TMEM86A: variants seen among roughly 807,000 people sequenced by gnomAD.
The protein encoded by TMEM86A is lysoplasmalogenase TMEM86A.
Under a neutral mutation model 19.8 loss-of-function variants are expected in TMEM86A, and 13 were observed. The ratio of observed to expected loss-of-function variants is 0.66; its 90% CI spans 0.43 to 1.04. The LOEUF is 1.04. TMEM86A is among the 50% of genes least tolerant of loss of function. The pLI is 0.00. For synonymous variants in TMEM86A, 128 were observed against 129.9 expected (o/e 0.99, Z 0.10); for missense variants, 248 against 306.8 (o/e 0.81, Z 1.43).
Position 18,702,166 on chromosome 11 carries a change from C to A in TMEM86A, c.*157C>A. 2.8e-6 allele frequency: 2 copies of A among 717,728 alleles called. No homozygotes were observed. The highest frequency in any genetic ancestry group is 1.8e-5 in the South Asian group (1 of 54,500). The allele number at this position is 717,728 out of a possible 1,614,324, so 44.5% of individuals were successfully genotyped here. ...TCGTGTGGGGAGGCTGGAAAAGGATCTCCCTAGCAGAACTCGTGGTTCAGG... is the reference window on the plus strand; with the variant it reads ...TCGTGTGGGGAGGCTGGAAAAGGATATCCCTAGCAGAACTCGTGGTTCAGG... On this transcript the variant is annotated 3_prime_UTR_variant, in exon 3 of 3. Transcript: ENST00000280734.
In TMEM86A at chr11:18,703,553, G is replaced by A. The variant is rs534516827; in HGVS notation, c.*1544G>A. On this transcript the variant is annotated 3_prime_UTR_variant, in exon 3 of 3. Transcript: ENST00000280734. The stretch of plus-strand genomic sequence containing the variant: ...TTAGTTGAACAGCTGGGAGCAATGG[G>A]ATTAGATTGGCTGATTCATTCATTA... 7.2e-5 allele frequency: 11 copies of A among 152,338 alleles called. 2 individuals are homozygous for A. Among genetic ancestry groups the A allele is most frequent in the African/African-American group, 2.4e-4 (10 of 41,556 alleles). 9.4% of individuals were successfully genotyped at this position (152,338 alleles called of 1,614,324 possible). A position where few individuals can be genotyped will look rare whatever the true frequency, so the allele number is the denominator to read the frequency against.
rs1393344420 is a variant in TMEM86A at position 18,699,300 on chromosome 11, C to T, written c.21+393C>T. Among the ~76,000 whole-genome samples, 1 of 152,330 alleles carries T rather than the reference C, an allele frequency of 6.6e-6. No individual in the cohort carries two copies. Among genetic ancestry groups the T allele is most frequent in the African/African-American group, 2.4e-5 (1 of 41,584 alleles). On this transcript the variant is annotated intron_variant, in intron 1 of 2. Coordinates refer to ENST00000280734, the MANE Select transcript of TMEM86A (RefSeq NM_153347.3). This position sits in a 1 kb window ranked among gnomAD's most constrained non-coding sequence, Gnocchi z 4.0. ...GGGGATGCTGGGAGGATAACAGGGA[C>T]CTCCTGGGAATGCCGTCCCAAGTTT...
intron 1 of TMEM86A, 188 bp from the exon 2 acceptor site, chr11:18,700,745 G>A: frequency 1.4e-6 from 1 of 738,376 alleles, no homozygotes; most frequent in South Asian, 1.8e-5. Flanking sequence ...GCAGTAATGG[G>A]TTTGGCCACA....
rs769253950 is a variant in TMEM86A at position 18,704,499 on chromosome 11, C to T, written c.*2490C>T. The T allele has an allele frequency of 2.6e-5, 40 of 1,550,920 alleles. No individual in the cohort carries two copies. The highest frequency in any genetic ancestry group is 5.2e-6 in the Non-Finnish European group (6 of 1,146,662). ...GAGGTGCTTTGATTTCTTCTGCAGA[C>T]TCTCGGTGATGGATGCTACAACTGA... On this transcript the variant is annotated 3_prime_UTR_variant, in exon 3 of 3. Coordinates refer to ENST00000280734, the MANE Select transcript of TMEM86A (RefSeq NM_153347.3).
At chr11:18,700,655 G>T in intron 1 of TMEM86A, 1 of 532,186 alleles carries the variant, frequency 1.9e-6, no homozygotes. Context: ...GGGGCCCTGA[G>T]GAGGGAGAAG....
rs201546830 is a variant in TMEM86A, at chr11:18,701,804, G to A, written c.518G>A (p.Arg173His). Residue 173 changes from arginine (R) to histidine (H), a missense_variant, in exon 3 of 3, where the codon CGC (arginine) becomes CAC (histidine). Transcript: ENST00000280734. This position sits in a 1 kb window ranked among gnomAD's most constrained non-coding sequence, Gnocchi z 5.3. ...CTGCGGCTGGCCGGGGCAGACTGGC[G>A]CTGGACAGAGCTGGCAGCTGGCAGT... ...AGLRLAGADW[R>H]WTELAAGSGA... The A allele has an allele frequency of 5.0e-5, 80 of 1,614,104 alleles. No homozygotes were observed. In the South Asian group the frequency reaches 6.1e-4, roughly 12 times the overall value.
Position 18,701,422 on chromosome 11 carries a change from C to CT in TMEM86A, c.287-148dup. On this transcript the variant is annotated intron_variant, in intron 2 of 2. Transcript: ENST00000280734. This position sits in a 1 kb window ranked among gnomAD's most constrained non-coding sequence, Gnocchi z 5.3. ...AGGGGACTGGGGTGGTGGTCTTTAACTTTAGATCTTCCTACCCCTGTTATC... is the reference window on the plus strand; with the variant it reads ...AGGGGACTGGGGTGGTGGTCTTTAACTTTTAGATCTTCCTACCCCTGTTATC... 9.7e-7 allele frequency: 1 copy of CT among 1,029,596 alleles called. No individual in the cohort carries two copies. The highest frequency in any genetic ancestry group is 1.4e-6 in the Non-Finnish European group (1 of 716,216). The allele number at this position is 1,029,596 out of a possible 1,614,324, so 63.8% of individuals were successfully genotyped here.
At position 18,699,973 on chromosome 11, in the gene TMEM86A, G is replaced by C. The variant is rs1848134498; in HGVS notation, c.22-960G>C. 6.6e-6 allele frequency: 1 copy of C among 152,362 alleles called. No homozygotes were observed. The highest frequency in any genetic ancestry group is 2.1e-4 in the South Asian group (1 of 4,828). The allele number at this position is 152,362 out of a possible 1,614,324, so 9.4% of individuals were successfully genotyped here. ...GGATCTGTTAGCAGCCCAAGGAAAG[G>C]AGTTTCAAGGATCACAGATTCAGAA... On this transcript the variant is annotated intron_variant, in intron 1 of 2. Transcript: ENST00000280734. The surrounding 1 kb of genome is among the most constrained non-coding windows in gnomAD (Gnocchi z 4.0).
chr11:18,704,657 G>T lies in TMEM86A; in HGVS notation c.*2648G>T. 1 of 691,010 alleles carries T rather than the reference G, an allele frequency of 1.4e-6. No homozygotes were observed. Among genetic ancestry groups the T allele is most frequent in the Middle Eastern group, 2.4e-4 (1 of 4,134 alleles). The allele number at this position is 691,010 out of a possible 1,614,324, so 42.8% of individuals were successfully genotyped here. A position where few individuals can be genotyped will look rare whatever the true frequency, so the allele number is the denominator to read the frequency against. ...TGGACCCTGGGACCCTTAATCTTGG[G>T]TTGGCAGAGTGTGAAGGGGCAAGAG... On this transcript the variant is annotated 3_prime_UTR_variant, in exon 3 of 3. Coordinates refer to ENST00000280734, the MANE Select transcript of TMEM86A (RefSeq NM_153347.3).
chr11:18,698,956 CG>C (rs1848126314), intron 1 of TMEM86A, 49 bp downstream of exon 1: 1 of 523,464 alleles, frequency 1.9e-6, no homozygotes, highest in African/African-American at 2.0e-5. Flanking sequence ...TGGAGCCCAC[CG>C]GCCTGGCCAC....
Position 18,704,533 on chromosome 11 carries a change from CTT to C in TMEM86A, c.*2526_*2527del, listed in dbSNP as rs1395398875. 2 of 1,548,374 alleles carry C rather than the reference CTT, an allele frequency of 1.3e-6. No individual in the cohort carries two copies. The highest frequency in any genetic ancestry group is 1.7e-6 in the Non-Finnish European group (2 of 1,144,798). Reference sequence around the variant, plus strand: ...ATGGATGCTACAACTGACTTATCATCTTTGTCTGAAAGAGCAAAGGAAGTATT... The same window carrying C: ...ATGGATGCTACAACTGACTTATCATCTGTCTGAAAGAGCAAAGGAAGTATT... On this transcript the variant is annotated 3_prime_UTR_variant, in exon 3 of 3. Coordinates refer to ENST00000280734, the MANE Select transcript of TMEM86A (RefSeq NM_153347.3).
In TMEM86A at chr11:18,701,730, G is replaced by C; in HGVS notation, c.444G>C (p.Gly148=). The C allele has an allele frequency of 6.2e-7, 1 of 1,614,126 alleles. No homozygotes were observed. The highest frequency in any genetic ancestry group is 1.3e-5 in the African/African-American group (1 of 75,040). ...CAGGTGCCTTCACCTACCTGGTGGGGGTCTATGTGGCCCTTATCGGCTTCA... is the reference window on the plus strand; with the variant it reads ...CAGGTGCCTTCACCTACCTGGTGGGCGTCTATGTGGCCCTTATCGGCTTCA... The part of the protein sequence containing the change: ...CLSGAFTYLV[G]VYVALIGFMG... The change falls in exon 3 of 3, where the codon GGG becomes GGC. Residue 148 remains glycine (G), a synonymous_variant. Coordinates refer to ENST00000280734, the MANE Select transcript of TMEM86A (RefSeq NM_153347.3). This position sits in a 1 kb window ranked among gnomAD's most constrained non-coding sequence, Gnocchi z 5.3.
Position 18,701,291 on chromosome 11 carries a change from G to A in TMEM86A, c.286+94G>A. On this transcript the variant is annotated intron_variant, in intron 2 of 2. Coordinates refer to ENST00000280734, the MANE Select transcript of TMEM86A (RefSeq NM_153347.3). The surrounding 1 kb of genome is among the most constrained non-coding windows in gnomAD (Gnocchi z 5.3). Reference sequence around the variant, plus strand: ...CAAAGATTTGGAAGAGGGAGTTCTTGAACCAGAGTGTGGGGAGCCTGAGGG... The same window carrying A: ...CAAAGATTTGGAAGAGGGAGTTCTTAAACCAGAGTGTGGGGAGCCTGAGGG... 6.0e-6 allele frequency: 9 copies of A among 1,507,330 alleles called. No homozygotes were observed. In the South Asian group the frequency reaches 1.1e-4, roughly 19 times the overall value. The allele number at this position is 1,507,330 out of a possible 1,614,324, so 93.4% of individuals were successfully genotyped here.
rs776997469 is a variant in TMEM86A, at chr11:18,701,873, A to T, written c.587A>T (p.Asn196Ile). 6.2e-7 allele frequency: 1 copy of T among 1,614,016 alleles called. No individual in the cohort carries two copies. Among genetic ancestry groups the T allele is most frequent in the African/African-American group, 1.3e-5 (1 of 74,916 alleles). Residue 196 changes from asparagine (N) to isoleucine (I), a missense_variant, in exon 3 of 3, where the codon AAC (asparagine) becomes ATC (isoleucine). Asn to Ile is a moderately radical substitution (Grantham distance 149). Transcript: ENST00000280734. This position sits in a 1 kb window ranked among gnomAD's most constrained non-coding sequence, Gnocchi z 5.3. ...ATCTCAGACCTGACCATCGCCCTCA[A>T]CAAATTCTGTTTTCCTGTGCCCTAC... is the stretch of plus-strand genomic sequence containing the variant. ...FIISDLTIAL[N>I]KFCFPVPYSR...
Position 18,701,113 on chromosome 11 carries a change from G to T in TMEM86A, c.202G>T (p.Ala68Ser), listed in dbSNP as rs757849532. 7.4e-6 allele frequency: 12 copies of T among 1,613,864 alleles called. No individual in the cohort carries two copies. Among genetic ancestry groups the T allele is most frequent in the Non-Finnish European group, 1.0e-5 (12 of 1,180,040 alleles). ...GLGFLLAHPS[A>S]TRIFVGLVFS... ...GGGATTCCTGCTGGCCCACCCCAGC[G>T]CCACCCGCATCTTTGTGGGGCTTGT... Residue 68 changes from alanine (A) to serine (S), a missense_variant, in exon 2 of 3, where the codon GCC (alanine) becomes TCC (serine). By Grantham distance (99) the Ala-to-Ser change is moderately conservative. Coordinates refer to ENST00000280734, the MANE Select transcript of TMEM86A (RefSeq NM_153347.3). This position sits in a 1 kb window ranked among gnomAD's most constrained non-coding sequence, Gnocchi z 5.3.
rs1848130256 is a variant in TMEM86A at position 18,699,376 on chromosome 11, C to CTA, written c.21+470_21+471dup. Among the ~76,000 whole-genome samples the CTA allele has an allele frequency of 6.6e-6, 1 of 152,220 alleles. No individual in the cohort carries two copies. The highest frequency in any genetic ancestry group is 2.1e-4 in the South Asian group (1 of 4,834). On this transcript the variant is annotated intron_variant, in intron 1 of 2. Transcript: ENST00000280734. The surrounding 1 kb of genome is among the most constrained non-coding windows in gnomAD (Gnocchi z 4.0). ...AACAAGTTGGCGGACGCCCCTGAGT[C>CTA]TAAGAAGCGCTGATAACGCGCTGGG...
intron 1 of TMEM86A, 174 bp from the exon 2 acceptor site, chr11:18,700,759 T>A (rs1380540335): frequency 1.2e-6 from 1 of 857,568 alleles, no homozygotes; most frequent in Non-Finnish European, 1.8e-6. Context: ...GGCCACAACC[T>A]GCTGGCTGGT....
chr11:18,701,881 T>C lies in TMEM86A; in HGVS notation c.595T>C (p.Cys199Arg), dbSNP rs1848153973. Residue 199 changes from cysteine to arginine, a missense_variant, in exon 3 of 3, where the codon TGT (cysteine) becomes CGT (arginine). By Grantham distance (180) the Cys-to-Arg change is radical. Coordinates refer to ENST00000280734, the MANE Select transcript of TMEM86A (RefSeq NM_153347.3). This position sits in a 1 kb window ranked among gnomAD's most constrained non-coding sequence, Gnocchi z 5.3. ...CCTGACCATCGCCCTCAACAAATTC[T>C]GTTTTCCTGTGCCCTACTCTCGGGC... The part of the protein sequence containing the change: ...SDLTIALNKF[C>R]FPVPYSRALI... 6.2e-7 allele frequency: 1 copy of C among 1,614,064 alleles called. No individual in the cohort carries two copies. The highest frequency in any genetic ancestry group is 1.7e-5 in the Admixed American group (1 of 60,016).
Position 18,701,306 on chromosome 11 carries a change from G to A in TMEM86A, c.286+109G>A. The A allele has an allele frequency of 4.2e-6, 6 of 1,441,694 alleles. No homozygotes were observed. Among genetic ancestry groups the A allele is most frequent in the East Asian group, 4.6e-5 (2 of 43,794 alleles). 89.3% of individuals were successfully genotyped at this position (1,441,694 alleles called of 1,614,324 possible). A position where few individuals can be genotyped will look rare whatever the true frequency, so the allele number is the denominator to read the frequency against. On this transcript the variant is annotated intron_variant, in intron 2 of 2. Coordinates refer to ENST00000280734, the MANE Select transcript of TMEM86A (RefSeq NM_153347.3). The surrounding 1 kb of genome is among the most constrained non-coding windows in gnomAD (Gnocchi z 5.3). ...GGGAGTTCTTGAACCAGAGTGTGGGGAGCCTGAGGGTTTCTGAGGCCAGGG... is the reference window on the plus strand; with the variant it reads ...GGGAGTTCTTGAACCAGAGTGTGGGAAGCCTGAGGGTTTCTGAGGCCAGGG...
Sources: gnomAD v4.1 joint callset for allele counts (sites outside exome capture counted in the v4.1 genomes callset) on GRCh38, gnomAD v4.1.1 for gene constraint, Gnocchi (gnomAD v3.1) non-coding constraint, MANE v1.5 for transcripts, NCBI Gene and HGNC (gene_info 2026-07-23, HGNC 2026-07-21) for gene names.